The following TRAPPC9 variants were observed in gnomAD, a reference collection of about 807,000 sequenced individuals.
TRAPPC9 encodes the protein trafficking protein particle complex subunit 9, also known as IKK2 binding protein.
In TRAPPC9, 83 loss-of-function variants were observed where a neutral mutation model predicts 124.0. The observed-to-expected ratio is 0.67, with a 90% confidence interval of 0.56 to 0.80. TRAPPC9 has a LOEUF of 0.80. TRAPPC9 is among the 30% of genes least tolerant of loss of function. The pLI, the probability that TRAPPC9 is intolerant of heterozygous loss-of-function variation, is 0.00. For missense variants in TRAPPC9, 1,302 were observed against 1,508.3 expected, an observed-to-expected ratio of 0.86 and a Z score of 2.27; for synonymous variants, 638 against 617.5, an observed-to-expected ratio of 1.03 and a Z score of -0.49.
At chr8:140,126,457 C>T (rs77143204) in intron 17 of TRAPPC9, among the ~76,000 whole-genome samples, 4,838 of 152,164 alleles carry the variant, frequency 0.032, 94 homozygotes, top group Middle Eastern at 0.044. Flanking sequence ...GAAGGGAATT[C>T]GAACACCCCG....
chr8:139,940,113 A>T (rs1833812341), intron 19 of TRAPPC9, among the ~76,000 whole-genome samples: 1 of 152,174 alleles, frequency 6.6e-6, no homozygotes, highest in South Asian at 2.1e-4. Flanking sequence ...TTTGGTTGGA[A>T]CACATCATCA....
rs143395276 is a variant in TRAPPC9 at position 139,854,194 on chromosome 8, G to C, written c.3055+31685C>G. Among the ~76,000 whole-genome samples the C allele has an allele frequency of 1.1e-4, 17 of 152,290 alleles. No individual in the cohort carries two copies. The East Asian group carries it at 3.3e-3, about 29-fold the overall frequency. ...GGCTTTCTGGGTTCAGAAACCTCAG[G>C]AGGTCGAGTTCTTCCACACTCTGGA... On this transcript the variant is annotated intron_variant, in intron 21 of 22. Coordinates refer to ENST00000438773, the MANE Select transcript of TRAPPC9 (RefSeq NM_001160372.4).
chr8:140,294,992 T>C (rs1029546859), intron 11 of TRAPPC9, among the ~76,000 whole-genome samples: 3 of 152,078 alleles, frequency 2.0e-5, no homozygotes, highest in Non-Finnish European at 4.4e-5. Context: ...TGGCCCTTCC[T>C]CACTATTTTG....
intron 19 of TRAPPC9, among the ~76,000 whole-genome samples, chr8:139,939,063 G>C (rs1294490802): frequency 6.6e-6 from 1 of 152,222 alleles, no homozygotes; most frequent in African/African-American, 2.4e-5. Flanking sequence ...AATGCCCACT[G>C]TTCTCCAGGC....
At chr8:140,244,297 A>C (rs2063927610) in intron 16 of TRAPPC9, among the ~76,000 whole-genome samples, 1 of 152,192 alleles carries the variant, frequency 6.6e-6, no homozygotes, top group African/African-American at 2.4e-5. Flanking sequence ...CTGTTCTGTC[A>C]ACCAAATTGA....
chr8:140,053,324 T>C (rs1406625155), intron 17 of TRAPPC9, among the ~76,000 whole-genome samples: 6 of 152,226 alleles, frequency 3.9e-5, no homozygotes, highest in Non-Finnish European at 5.9e-5. Flanking sequence ...GACCCAATTG[T>C]TGTCCAGGAG....
At chr8:140,399,717 T>C (rs1407478758) in intron 6 of TRAPPC9, among the ~76,000 whole-genome samples, 1 of 152,228 alleles carries the variant, frequency 6.6e-6, no homozygotes, top group Non-Finnish European at 1.5e-5. Context: ...AGATGAGACT[T>C]TGAAGTGTGG....
intron 17 of TRAPPC9, among the ~76,000 whole-genome samples, chr8:140,076,897 A>G (rs142570432): frequency 1.9e-4 from 29 of 152,354 alleles, no homozygotes; most frequent in African/African-American, 5.5e-4. Context: ...TGGGTACAAT[A>G]GTTCACATCT....
intron 17 of TRAPPC9, among the ~76,000 whole-genome samples, chr8:140,031,108 C>T (rs531182482): frequency 1.3e-5 from 2 of 152,306 alleles, no homozygotes; most frequent in Admixed American, 6.5e-5. Context: ...ATGTGGGCCA[C>T]GTTGATGTGG....
intron 17 of TRAPPC9, among the ~76,000 whole-genome samples, chr8:140,037,839 AACAC>A (rs1220497673): frequency 9.8e-5 from 11 of 112,552 alleles, no homozygotes; most frequent in South Asian, 3.0e-4. Flanking sequence ...AACACACACC[AACAC>A]ACACACAGAT....
At chr8:140,307,772 C>A (rs139739756) in intron 10 of TRAPPC9, among the ~76,000 whole-genome samples, 7 of 152,170 alleles carry the variant, frequency 4.6e-5, no homozygotes, top group Non-Finnish European at 1.0e-4. Context: ...CCCTATTAAG[C>A]AAAAGATAGA....
intron 19 of TRAPPC9, among the ~76,000 whole-genome samples, chr8:139,915,382 G>A (rs997940486): frequency 4.6e-5 from 7 of 152,274 alleles, no homozygotes; most frequent in African/African-American, 1.7e-4. Flanking sequence ...GAGTAGCTGG[G>A]ATTACAGGTG....
chr8:140,204,690 C>T (rs922079284), intron 17 of TRAPPC9, among the ~76,000 whole-genome samples: 17 of 152,240 alleles, frequency 1.1e-4, no homozygotes, highest in African/African-American at 4.1e-4. Context: ...CCAGCTCCCC[C>T]TTTGCCTTCT....
chr8:140,086,690 G>A (rs935077412), intron 17 of TRAPPC9, among the ~76,000 whole-genome samples: 5 of 152,132 alleles, frequency 3.3e-5, no homozygotes, highest in African/African-American at 1.2e-4. Context: ...GGGCGGCCGA[G>A]GCTTGGGATC....
At position 140,232,711 on chromosome 8, in the gene TRAPPC9, T is replaced by C. The variant is rs75131069; in HGVS notation, c.2432-11128A>G. On this transcript the variant is annotated intron_variant, in intron 16 of 22. Transcript: ENST00000438773. Reference sequence around the variant, plus strand: ...TTTTGTGTCTTTTGTATCTTGTTTATACGTGTTACTCCATTTCTACTTGAA... The same window carrying C: ...TTTTGTGTCTTTTGTATCTTGTTTACACGTGTTACTCCATTTCTACTTGAA... 7.6e-3 allele frequency among the ~76,000 whole-genome samples: 1,161 copies of C among 152,314 alleles called. 23 individuals are homozygous for C. The highest frequency in any genetic ancestry group is 0.026 in the African/African-American group (1,082 of 41,570).
chr8:140,072,079 CA>C (rs750322652), intron 17 of TRAPPC9, among the ~76,000 whole-genome samples: 14 of 152,304 alleles, frequency 9.2e-5, no homozygotes, highest in Non-Finnish European at 1.6e-4. Flanking sequence ...GCCTACAAGG[CA>C]GTATGAGGGG....
chr8:139,924,896 C>T (rs1049991520), intron 19 of TRAPPC9, among the ~76,000 whole-genome samples: 4 of 152,308 alleles, frequency 2.6e-5, no homozygotes, highest in Non-Finnish European at 2.9e-5. Flanking sequence ...TTACTGGAAA[C>T]GGCCTTAGAT....
intron 17 of TRAPPC9, among the ~76,000 whole-genome samples, chr8:140,211,648 G>C (rs140347981): frequency 6.6e-6 from 1 of 152,168 alleles, no homozygotes; most frequent in Non-Finnish European, 1.5e-5. Context: ...TTTACATGAC[G>C]TATCTGAATG....
chr8:140,229,378 C>T (rs569966422), intron 16 of TRAPPC9, among the ~76,000 whole-genome samples: 2 of 148,516 alleles, frequency 1.3e-5, no homozygotes, highest in South Asian at 2.2e-4. Flanking sequence ...TTCTCTGCCT[C>T]AGCCTCCCGA....
Sources: allele counts gnomAD v4.1 joint callset (sites outside exome capture counted in the v4.1 genomes callset), GRCh38; gene constraint gnomAD v4.1.1; transcripts MANE v1.5; gene names NCBI Gene and HGNC (gene_info 2026-07-23, HGNC 2026-07-21).